Variants in PLIN4 observed in about 807,000 individuals in gnomAD.
The protein encoded by PLIN4 is perilipin 4, also known as perilipin-4.
Under a neutral mutation model 52.4 loss-of-function variants are expected in PLIN4, and 57 were observed. The ratio of observed to expected loss-of-function variants is 1.09; its 90% CI spans 0.88 to 1.36. PLIN4 has a LOEUF of 1.36. Among genes scored for constraint, PLIN4 ranks in the 40% most tolerant of loss-of-function variants. PLIN4 has a pLI of 0.00. For synonymous variants in PLIN4, 826 were observed against 785.4 expected (o/e 1.05, Z -0.86); for missense variants, 1,757 against 1,770.3 (o/e 0.99, Z 0.13).
rs573628939 is a variant in PLIN4, at chr19:4,502,203, A to AAAAAG, written c.*2251_*2255dup. On this transcript the variant is annotated 3_prime_UTR_variant, in exon 8 of 8. Transcript: ENST00000301286. ...ATGACTATAAATGGTTTTTTAATGAAAAAAGAAATCACTTTTATTGGCTTG... is the reference window on the plus strand; with the variant it reads ...ATGACTATAAATGGTTTTTTAATGAAAAAAGAAAAGAAATCACTTTTATTGGCTTG... The AAAAAG allele has an allele frequency of 1.5e-6, 1 of 671,176 alleles. No individual in the cohort carries two copies. Among genetic ancestry groups the AAAAAG allele is most frequent in the African/African-American group, 1.8e-5 (1 of 55,046 alleles). 41.6% of individuals were successfully genotyped at this position (671,176 alleles called of 1,614,324 possible).
chr19:4,518,445 G>C lies in PLIN4; in HGVS notation c.-78C>G, dbSNP rs1325044464. On this transcript the variant is annotated 5_prime_UTR_variant, in exon 1 of 8. Transcript: ENST00000301286. ...AGACGCGGCCCCGCTCACCTGGACTGCGCGGGGTCCCCTGGAGGACGGACC... is the reference window on the plus strand; with the variant it reads ...AGACGCGGCCCCGCTCACCTGGACTCCGCGGGGTCCCCTGGAGGACGGACC... 8.2e-7 allele frequency: 1 copy of C among 1,225,376 alleles called. No individual in the cohort carries two copies. Among genetic ancestry groups the C allele is most frequent in the African/African-American group, 1.6e-5 (1 of 64,246 alleles). 75.9% of individuals were successfully genotyped at this position (1,225,376 alleles called of 1,614,324 possible).
chr19:4,512,331 C>T lies in PLIN4; in HGVS notation c.1629G>A (p.Val543=). 3 of 1,611,950 alleles carry T rather than the reference C, an allele frequency of 1.9e-6. No homozygotes were observed. Among genetic ancestry groups the T allele is most frequent in the Non-Finnish European group, 2.5e-6 (3 of 1,179,616 alleles). The change falls in exon 5 of 8, where the codon GTG becomes GTA. Residue 543 remains valine (V), a synonymous_variant. Transcript: ENST00000301286. ...CCTGGACGGCCCCTTTGGCCACGTTCACAGCACTGGTCACCCCACTGCAGA... is the reference window on the plus strand; with the variant it reads ...CCTGGACGGCCCCTTTGGCCACGTTTACAGCACTGGTCACCCCACTGCAGA... ...DTVCSGVTSA[V]NVAKGAVQGG...
chr19:4,511,360 C>T lies in PLIN4; in HGVS notation c.2600G>A (p.Ser867Asn), dbSNP rs1361722491. The T allele has an allele frequency of 6.3e-7, 1 of 1,581,520 alleles. No homozygotes were observed. The highest frequency in any genetic ancestry group is 1.1e-5 in the South Asian group (1 of 89,456). Residue 867 changes from serine to asparagine, a missense_variant, in exon 5 of 8, where the codon AGT becomes AAT. Transcript: ENST00000301286. Reference sequence around the variant, plus strand: ...CACTTTCGCAGCACCGGTCACCCCACTGCCAAGGGTGTTCTTTGTACCTGT... The same window carrying T: ...CACTTTCGCAGCACCGGTCACCCCATTGCCAAGGGTGTTCTTTGTACCTGT... ...IATGTKNTLG[S>N]GVTGAAKVAK...
intron 4 of PLIN4, among the ~76,000 whole-genome samples, chr19:4,514,973 C>T (rs1385789673): frequency 1.3e-5 from 2 of 151,036 alleles, no homozygotes; most frequent in Non-Finnish European, 2.9e-5. Context: ...GTCAAGAGTT[C>T]GAGACCAGCC....
chr19:4,509,388 G>A (rs1369975612), intron 5 of PLIN4, among the ~76,000 whole-genome samples: 2 of 149,028 alleles, frequency 1.3e-5, no homozygotes, highest in African/African-American at 2.5e-5. Flanking sequence ...AGGCCAAGGC[G>A]GGTGGATCAC....
chr19:4,518,168 G>A, intron 2 of PLIN4, 54 bp downstream of exon 2: 2 of 1,216,578 alleles, frequency 1.6e-6, no homozygotes, highest in African/African-American at 1.6e-5. Context: ...ACCTTCCCCG[G>A]CTCTGGGGCA....
intron 6 of PLIN4, among the ~76,000 whole-genome samples, chr19:4,505,719 T>C (rs538132447): frequency 5.3e-5 from 8 of 152,190 alleles, no homozygotes; most frequent in East Asian, 1.9e-4. Context: ...CGTCAAAATA[T>C]CGACTCCAGA....
In PLIN4 at chr19:4,512,775, C is replaced by T. The variant is rs757418234; in HGVS notation, c.1185G>A (p.Met395Ile). Residue 395 changes from methionine to isoleucine, a missense_variant, in exon 5 of 8, where the codon ATG becomes ATA. By Grantham distance (10) the Met-to-Ile change is conservative (BLOSUM62 1). Coordinates refer to ENST00000301286, the MANE Select transcript of PLIN4 (RefSeq NM_001367868.2). Reference protein sequence around the residue: ...IQGGLDTTKSMVMGTKDTMST... With the variant: ...IQGGLDTTKSIVMGTKDTMST... ...ACATCGTGTCTTTCGTACCCATGACCATAGACTTGGTGGTATCCAGGCCCC... is the reference window on the plus strand; with the variant it reads ...ACATCGTGTCTTTCGTACCCATGACTATAGACTTGGTGGTATCCAGGCCCC... 2 of 1,561,974 alleles carry T rather than the reference C, an allele frequency of 1.3e-6. No homozygotes were observed. The highest frequency in any genetic ancestry group is 3.4e-5 in the Admixed American group (2 of 58,624).
Position 4,512,702 on chromosome 19 carries a change from T to A in PLIN4, c.1258A>T (p.Thr420Ser), listed in dbSNP as rs1208628872. ...AANVAKGAMQ[T>S]GLNTTQNIAT... Reference sequence around the variant, plus strand: ...ATATTTTGGGTTGTGTTCAGCCCAGTTTGCATGGCCCCCTTGGCCACATTC... The same window carrying A: ...ATATTTTGGGTTGTGTTCAGCCCAGATTGCATGGCCCCCTTGGCCACATTC... Residue 420 changes from threonine to serine, a missense_variant, in exon 5 of 8, where the codon ACT becomes TCT. Coordinates refer to ENST00000301286, the MANE Select transcript of PLIN4 (RefSeq NM_001367868.2). 1 of 1,552,304 alleles carries A rather than the reference T, an allele frequency of 6.4e-7. No individual in the cohort carries two copies. The highest frequency in any genetic ancestry group is 1.7e-5 in the Admixed American group (1 of 57,540).
chr19:4,515,336 C>A (rs1316159677), intron 4 of PLIN4, among the ~76,000 whole-genome samples: 1 of 151,492 alleles, frequency 6.6e-6, no homozygotes, highest in Non-Finnish European at 1.5e-5. Context: ...GTGGCGAGAT[C>A]TCGGCTCACT....
intron 6 of PLIN4, among the ~76,000 whole-genome samples, chr19:4,505,737 C>G (rs1426380210): frequency 6.6e-6 from 1 of 152,140 alleles, no homozygotes; most frequent in Non-Finnish European, 1.5e-5. Flanking sequence ...AGACTGCTGT[C>G]GCCCTCCCAG....
In PLIN4 at chr19:4,512,144, C is replaced by G; in HGVS notation, c.1816G>C (p.Val606Leu). ...CCTTTGGCGACATTCACTGCCCCCA[C>G]GAGCCCAGTAGTCACTGTGTCCTTG... ...GTKDTVTTGL[V>L]GAVNVAKGTV... Residue 606 changes from valine to leucine, a missense_variant, in exon 5 of 8, where the codon GTG (valine) becomes CTG (leucine). Around this residue, in one of 7 missense-constraint regions of PLIN4, gnomAD observed 439 missense variants for 406.4 expected, o/e 1.08. Coordinates refer to ENST00000301286, the MANE Select transcript of PLIN4 (RefSeq NM_001367868.2). The G allele has an allele frequency of 6.9e-7, 1 of 1,440,760 alleles. No individual in the cohort carries two copies. The highest frequency in any genetic ancestry group is 9.2e-7 in the Non-Finnish European group (1 of 1,090,142). The allele number at this position is 1,440,760 out of a possible 1,614,324, so 89.2% of individuals were successfully genotyped here.
At chr19:4,516,802 G>A in intron 3 of PLIN4, 124 bp from the exon 4 acceptor site, 9 of 1,002,384 alleles carry the variant, frequency 9.0e-6, no homozygotes, top group Admixed American at 3.1e-5. Flanking sequence ...ACCCCGCCAG[G>A]GACAGCAGGA....
In PLIN4 at chr19:4,510,618, C is replaced by G; in HGVS notation, c.3342G>C (p.Lys1114Asn). The G allele has an allele frequency of 6.6e-7, 1 of 1,509,318 alleles. No homozygotes were observed. Among genetic ancestry groups the G allele is most frequent in the Non-Finnish European group, 8.9e-7 (1 of 1,129,710 alleles). The allele number at this position is 1,509,318 out of a possible 1,614,324, so 93.5% of individuals were successfully genotyped here. ...EPAWEAAATT[K>N]GLATDVATFT... ...ACGTCGCCACGTCAGTCGCAAGGCC[C>G]TTGGTAGTGGCTGCGGCTTCCCAGG... is the stretch of plus-strand genomic sequence containing the variant. The change falls in exon 5 of 8, where the codon AAG becomes AAC. Residue 1114 changes from lysine (K) to asparagine (N), a missense_variant. By Grantham distance (94) the Lys-to-Asn change is moderately conservative (BLOSUM62 0). Transcript: ENST00000301286.
intron 2 of PLIN4, 70 bp from the exon 3 acceptor site, chr19:4,517,768 C>T (rs931989997): frequency 3.3e-6 from 5 of 1,516,358 alleles, no homozygotes; most frequent in Admixed American, 2.1e-5. Context: ...GAGGAAGCAT[C>T]GATTGATCAG....
chr19:4,508,111 C>G (rs965822981), intron 6 of PLIN4, among the ~76,000 whole-genome samples: 1 of 152,184 alleles, frequency 6.6e-6, no homozygotes, highest in Non-Finnish European at 1.5e-5. Flanking sequence ...CCAGCTTGCT[C>G]CCCGGTAGCT....
In PLIN4 at chr19:4,504,475, G is replaced by A; in HGVS notation, c.4100C>T (p.Pro1367Leu). The A allele has an allele frequency of 6.3e-7, 1 of 1,582,510 alleles. No homozygotes were observed. Among genetic ancestry groups the A allele is most frequent in the Non-Finnish European group, 8.6e-7 (1 of 1,161,510 alleles). ...CTCCTACAGCTACTGCCCGCCAGCGGGCAAGGCGAAGGGCCCTACCAGCCA... is the reference window on the plus strand; with the variant it reads ...CTCCTACAGCTACTGCCCGCCAGCGAGCAAGGCGAAGGGCCCTACCAGCCA... The part of the protein sequence containing the change: ...LSWLVGPFAL[P>L]AGGQ Residue 1367 changes from proline to leucine, a missense_variant, in exon 8 of 8, where the codon CCC becomes CTC. Pro to Leu is a moderately conservative substitution (Grantham distance 98). Coordinates refer to ENST00000301286, the MANE Select transcript of PLIN4 (RefSeq NM_001367868.2).
At chr19:4,514,818 C>G (rs1468360749) in intron 4 of PLIN4, among the ~76,000 whole-genome samples, 1 of 150,998 alleles carries the variant, frequency 6.6e-6, no homozygotes, top group South Asian at 2.1e-4. Context: ...GTGGCTAAGG[C>G]AGGAGGATTG....
chr19:4,512,734 C>A lies in PLIN4; in HGVS notation c.1226G>T (p.Gly409Val). Residue 409 changes from glycine to valine, a missense_variant, in exon 5 of 8, where the codon GGG (glycine) becomes GTG (valine). Physicochemically the swap from Gly to Val is moderately radical, Grantham distance 109 (BLOSUM62 -3). Coordinates refer to ENST00000301286, the MANE Select transcript of PLIN4 (RefSeq NM_001367868.2). Reference sequence around the variant, plus strand: ...GGCCCCCTTGGCCACATTCGCTGCCCCTGTGAGCCCAGTGGACATCGTGTC... The same window carrying A: ...GGCCCCCTTGGCCACATTCGCTGCCACTGTGAGCCCAGTGGACATCGTGTC... ...TKDTMSTGLTGAANVAKGAMQ... is the reference protein window; with the variant it reads ...TKDTMSTGLTVAANVAKGAMQ... 1 of 1,560,068 alleles carries A rather than the reference C, an allele frequency of 6.4e-7. No homozygotes were observed. Among genetic ancestry groups the A allele is most frequent in the Non-Finnish European group, 8.6e-7 (1 of 1,158,852 alleles).
Sources: allele counts gnomAD v4.1 joint callset (sites outside exome capture counted in the v4.1 genomes callset), GRCh38; gene constraint gnomAD v4.1.1; regional missense constraint gnomAD v4.1.1; transcripts MANE v1.5; gene names NCBI Gene and HGNC (gene_info 2026-07-23, HGNC 2026-07-21).